The following EFHC2 variants were observed in gnomAD, a reference collection of about 807,000 sequenced individuals.
EFHC2 encodes the protein EF-hand domain containing 2, also known as EF-hand domain-containing family member C2.
Under a neutral mutation model 52.7 loss-of-function variants are expected in EFHC2, and 18 were observed. The ratio of observed to expected loss-of-function variants is 0.34; its 90% CI spans 0.24 to 0.51. The LOEUF is 0.51. Among genes scored for constraint, EFHC2 ranks in the 20% least tolerant of loss-of-function variants. EFHC2 has a pLI of 0.97. For synonymous variants in EFHC2, 203 were observed against 204.1 expected, an observed-to-expected ratio of 0.99 and a Z score of 0.04; for missense variants, 513 against 562.5, an observed-to-expected ratio of 0.91 and a Z score of 0.89.
At chrX:44,310,333 T>C (rs1331285667) in intron 2 of EFHC2, 8 of 877,667 alleles carry the variant, frequency 9.1e-6, no homozygotes, top group Non-Finnish European at 1.1e-5. Flanking sequence ...AGATCCTCCA[T>C]GCAGTCTTGC....
chrX:44,307,408 C>A (rs766815482), intron 2 of EFHC2, among the ~76,000 whole-genome samples: 42 of 111,241 alleles, frequency 3.8e-4, no homozygotes, highest in African/African-American at 1.3e-3. Context: ...ACCATATAAT[C>A]TGGATTAACT....
intron 11 of EFHC2, among the ~76,000 whole-genome samples, chrX:44,200,226 A>G (rs1049357706): frequency 9.0e-6 from 1 of 111,719 alleles, no homozygotes; most frequent in Non-Finnish European, 1.9e-5. Flanking sequence ...ACTACTCTAA[A>G]TGGTCAACCC....
chrX:44,333,090 C>G (rs2038097502), intron 1 of EFHC2, among the ~76,000 whole-genome samples: 1 of 111,254 alleles, frequency 9.0e-6, no homozygotes, highest in Non-Finnish European at 1.9e-5. Flanking sequence ...TATTAAGGAC[C>G]CGGTTTGTGT....
At chrX:44,330,161 C>G (rs113657814) in intron 1 of EFHC2, among the ~76,000 whole-genome samples, 4,762 of 106,618 alleles carry the variant, frequency 0.045, 294 homozygotes, top group African/African-American at 0.16. Flanking sequence ...GGGGCTGAGG[C>G]AGGAGGACTG....
Position 44,209,401 on chromosome X carries a change from C to T in EFHC2, c.1751+20248G>A, listed in dbSNP as rs549548216. Reference sequence around the variant, plus strand: ...AAGTGAAAATGTCTTTATTCACAGACGACAGGACCATCAGCGTAGAAAAAC... The same window carrying T: ...AAGTGAAAATGTCTTTATTCACAGATGACAGGACCATCAGCGTAGAAAAAC... On this transcript the variant is annotated intron_variant, in intron 11 of 14. Transcript: ENST00000420999. Among the ~76,000 whole-genome samples the T allele has an allele frequency of 3.5e-4, 38 of 110,063 alleles. 1 individual carries two copies. The South Asian group carries it at 0.011, about 31-fold the overall frequency.
intron 10 of EFHC2, among the ~76,000 whole-genome samples, chrX:44,231,054 C>A (rs2037272358): frequency 8.9e-6 from 1 of 112,056 alleles, no homozygotes; most frequent in African/African-American, 3.3e-5. Flanking sequence ...TACTGAGTTT[C>A]TCATCTAGAT....
Position 44,176,337 on chromosome X carries a change from G to A in EFHC2, c.1997C>T (p.Ser666Phe). Residue 666 changes from serine to phenylalanine, a missense_variant, in exon 13 of 15, where the codon TCC becomes TTC. Coordinates refer to ENST00000420999, the MANE Select transcript of EFHC2 (RefSeq NM_025184.4). ...AAGATCATCACTCAAAGGTAATCTG[G>A]AGGATTTGCACAGCCTTTTAATGTC... is the stretch of plus-strand genomic sequence containing the variant. Reference protein sequence around the residue: ...TKDIKRLCKSSRLPLSDDLLE... With the variant: ...TKDIKRLCKSFRLPLSDDLLE... 1 of 1,200,765 alleles carries A rather than the reference G, an allele frequency of 8.3e-7. No individual in the cohort carries two copies. Among genetic ancestry groups the A allele is most frequent in the South Asian group, 1.9e-5 (1 of 53,639 alleles).
chrX:44,309,363 A>G, intron 2 of EFHC2: 1 of 803,685 alleles, frequency 1.2e-6, no homozygotes, highest in Non-Finnish European at 1.9e-6. Flanking sequence ...ACTTGACACC[A>G]CTCCCATCCT....
intron 5 of EFHC2, 42 bp from the exon 6 acceptor site, chrX:44,248,958 C>A: frequency 1.0e-6 from 1 of 983,708 alleles, no homozygotes; most frequent in Non-Finnish European, 1.4e-6. Flanking sequence ...GGATTTAATC[C>A]ATTCCCTTTC....
chrX:44,279,027 C>G (rs767913303), intron 2 of EFHC2, among the ~76,000 whole-genome samples: 5 of 112,092 alleles, frequency 4.5e-5, no homozygotes, highest in Non-Finnish European at 7.5e-5. Flanking sequence ...GAGTTTAGAA[C>G]CAGTGAGCAA....
intron 1 of EFHC2, among the ~76,000 whole-genome samples, chrX:44,330,660 ACT>A (rs1193131550): frequency 8.9e-6 from 1 of 111,968 alleles, no homozygotes; most frequent in Non-Finnish European, 1.9e-5. Context: ...ACACAGTGAG[ACT>A]CTGTCTCCAA....
intron 13 of EFHC2, among the ~76,000 whole-genome samples, chrX:44,171,982 AC>A (rs1376938038): frequency 8.9e-6 from 1 of 111,856 alleles, no homozygotes; most frequent in Non-Finnish European, 1.9e-5. Context: ...CTTCAGCCTC[AC>A]TGCCAGGTAT....
At chrX:44,185,523 C>T (rs2036867346) in intron 11 of EFHC2, among the ~76,000 whole-genome samples, 1 of 109,851 alleles carries the variant, frequency 9.1e-6, no homozygotes, top group African/African-American at 3.4e-5. Flanking sequence ...GACACTGAAC[C>T]CTGAAATAAA....
intron 2 of EFHC2, among the ~76,000 whole-genome samples, chrX:44,296,996 T>C (rs905377739): frequency 3.6e-5 from 4 of 112,061 alleles, no homozygotes; most frequent in Non-Finnish European, 7.5e-5. Context: ...TAGTCCCAGC[T>C]TATGCTTCAC....
At chrX:44,162,213 G>C (rs749870578) in intron 14 of EFHC2, among the ~76,000 whole-genome samples, 1 of 111,481 alleles carries the variant, frequency 9.0e-6, no homozygotes, top group East Asian at 2.8e-4. Flanking sequence ...ACTTGAGGCC[G>C]GGAGTTCGAG....
intron 11 of EFHC2, among the ~76,000 whole-genome samples, chrX:44,228,820 T>G (rs1045425059): frequency 8.9e-6 from 1 of 111,764 alleles, no homozygotes; most frequent in South Asian, 3.8e-4. Flanking sequence ...ACATCTTGAC[T>G]GCATCAAGCG....
At chrX:44,287,981 C>A (rs771895077) in intron 2 of EFHC2, among the ~76,000 whole-genome samples, 6 of 112,112 alleles carry the variant, frequency 5.4e-5, no homozygotes, top group Admixed American at 9.5e-5. Context: ...GGTTTTTATT[C>A]ATATCTAACT....
intron 14 of EFHC2, among the ~76,000 whole-genome samples, chrX:44,157,625 C>A (rs767449438): frequency 2.0e-4 from 22 of 110,198 alleles, no homozygotes; most frequent in Non-Finnish European, 3.2e-4. Flanking sequence ...GCTATAGTGG[C>A]TACACTACTC....
At chrX:44,178,094 G>A (rs1203795656) in intron 12 of EFHC2, among the ~76,000 whole-genome samples, 13 of 106,826 alleles carry the variant, frequency 1.2e-4, no homozygotes, top group African/African-American at 4.5e-4. Flanking sequence ...TTGCGCCACT[G>A]CACTCTAGCC....
Sources: gnomAD v4.1 joint callset for allele counts (sites outside exome capture counted in the v4.1 genomes callset) on GRCh38, gnomAD v4.1.1 for gene constraint, MANE v1.5 for transcripts, NCBI Gene and HGNC (gene_info 2026-07-23, HGNC 2026-07-21) for gene names.